Variants in PRSS38 observed in about 807,000 individuals in gnomAD.
The protein encoded by PRSS38 is marapsin 2.
In PRSS38, 22 loss-of-function variants were observed where a neutral mutation model predicts 26.8. That is an observed-to-expected ratio of 0.82 (90% CI 0.59 to 1.17). PRSS38 has a LOEUF of 1.17. Among genes scored for constraint, PRSS38 ranks in the 50% most tolerant of loss-of-function variants. The probability of loss-of-function intolerance (pLI) is 0.00; values close to 1 mark genes in which losing one functional copy is unlikely to be tolerated. For synonymous variants in PRSS38, 175 were observed against 172.1 expected (o/e 1.02, Z -0.13); for missense variants, 427 against 422.7 (o/e 1.01, Z -0.09).
rs1297082737 is a variant in PRSS38 at position 227,825,163 on chromosome 1, G to T, written c.583+7683G>T. On this transcript the variant is annotated intron_variant, in intron 3 of 4. Transcript: ENST00000366757. ...TTTGCCTGTGCCTATGTCCTGAATG[G>T]TATTGCCTAGATTTTCTTCTAGGTT... 2.6e-5 allele frequency among the ~76,000 whole-genome samples: 4 copies of T among 152,086 alleles called. 1 individual carries two copies. The highest frequency in any genetic ancestry group is 5.9e-5 in the Non-Finnish European group (4 of 68,028).
chr1:227,846,443 A>G (rs1665432362), exon 5 of PRSS38: 3 of 577,056 alleles, frequency 5.2e-6, no homozygotes, highest in Non-Finnish European at 6.1e-6. Flanking sequence ...CTGAGATTTG[A>G]TAAGATCATT....
At chr1:227,841,484 A>C (rs1328144003) in intron 3 of PRSS38, among the ~76,000 whole-genome samples, 3 of 152,198 alleles carry the variant, frequency 2.0e-5, no homozygotes, top group Non-Finnish European at 4.4e-5. Context: ...AGTGCAGTTC[A>C]TTTCCCCTGA....
chr1:227,835,349 T>C (rs1253261783), intron 3 of PRSS38, among the ~76,000 whole-genome samples: 2 of 152,156 alleles, frequency 1.3e-5, no homozygotes, highest in African/African-American at 4.8e-5. Flanking sequence ...GGAGGATTGC[T>C]TGAGCCCAGG....
chr1:227,840,724 G>C (rs114954132), intron 3 of PRSS38, among the ~76,000 whole-genome samples: 6 of 152,006 alleles, frequency 3.9e-5, no homozygotes, highest in Non-Finnish European at 8.8e-5. Flanking sequence ...CTTCTCTTTC[G>C]AGTTTCTCTC....
Position 227,816,238 on chromosome 1 carries a change from G to T in PRSS38, c.297G>T (p.Ala99=), listed in dbSNP as rs200682477. The T allele has an allele frequency of 1.2e-6, 2 of 1,612,088 alleles. No homozygotes were observed. Among genetic ancestry groups the T allele is most frequent in the African/African-American group, 2.7e-5 (2 of 74,878 alleles). ...ATGAGTACTGGGTGCTGTCAGCTGC[G>T]CACTGCTTTCACAGGTAAGCGGGCG... The change falls in exon 2 of 5, where the codon GCG becomes GCT. Residue 99 remains alanine, a synonymous_variant. Transcript: ENST00000366757. The surrounding 1 kb of genome is among the most constrained non-coding windows in gnomAD (Gnocchi z 5.1).
intron 3 of PRSS38, among the ~76,000 whole-genome samples, chr1:227,842,487 C>G (rs892935247): frequency 1.3e-5 from 2 of 152,128 alleles, no homozygotes; most frequent in Admixed American, 1.3e-4. Flanking sequence ...ATATGGACAC[C>G]AATCCAACAG....
chr1:227,836,090 T>C (rs942694757), intron 3 of PRSS38, among the ~76,000 whole-genome samples: 1 of 147,192 alleles, frequency 6.8e-6, no homozygotes, highest in Non-Finnish European at 1.5e-5. Context: ...AGATTTTGTT[T>C]GTTTGTTTTT....
intron 3 of PRSS38, among the ~76,000 whole-genome samples, chr1:227,834,659 A>C (rs1454033402): frequency 1.2e-5 from 1 of 84,394 alleles, no homozygotes; most frequent in Admixed American, 1.4e-4. Context: ...ACAGAGCAAG[A>C]CTCTGTTTCA....
In PRSS38 at chr1:227,817,176, G is replaced by A. The variant is rs572204164; in HGVS notation, c.312-33G>A. Reference sequence around the variant, plus strand: ...CTGTGGGCTGACCACACAGGAAGCTGCGGGCATTGTACCTCTGTTCTCACC... The same window carrying A: ...CTGTGGGCTGACCACACAGGAAGCTACGGGCATTGTACCTCTGTTCTCACC... On this transcript the variant is annotated intron_variant, in intron 2 of 4. Coordinates refer to ENST00000366757, the Ensembl canonical transcript of PRSS38. 17 of 1,595,774 alleles carry A rather than the reference G, an allele frequency of 1.1e-5. No homozygotes were observed. The East Asian group carries it at 3.4e-4, about 32-fold the overall frequency.
intron 3 of PRSS38, among the ~76,000 whole-genome samples, chr1:227,825,221 TCTGTCACCAGG>T (rs1369581768): frequency 6.6e-6 from 1 of 152,210 alleles, no homozygotes; most frequent in African/African-American, 2.4e-5. Flanking sequence ...AGAGTCTCAG[TCTGTCACCAGG>T]CTGGGCTGGA....
intron 3 of PRSS38, among the ~76,000 whole-genome samples, chr1:227,820,655 A>G (rs569113537): frequency 6.6e-6 from 1 of 152,248 alleles, no homozygotes; most frequent in African/African-American, 2.4e-5. Flanking sequence ...TTTTACATCT[A>G]TATTCTTAAA....
chr1:227,820,089 C>CAAAA lies in PRSS38; in HGVS notation c.583+2630_583+2633dup, dbSNP rs61564441. 7.9e-4 allele frequency among the ~76,000 whole-genome samples: 34 copies of CAAAA among 42,792 alleles called. 1 individual carries two copies. The highest frequency in any genetic ancestry group is 1.5e-3 in the East Asian group (2 of 1,342). 28.1% of individuals were successfully genotyped at this position (42,792 alleles called of 152,430 possible). A position where few individuals can be genotyped will look rare whatever the true frequency, so the allele number is the denominator to read the frequency against. The stretch of plus-strand genomic sequence containing the variant: ...GGGCAACAAGAGTGAAACTCCATCT[C>CAAAA]AAAAAAAAAAAAAAAAAAAAAAAAG... On this transcript the variant is annotated intron_variant, in intron 3 of 4. Transcript: ENST00000366757.
chr1:227,845,718 C>A, intron 4 of PRSS38, 106 bp downstream of exon 4: 2 of 1,383,150 alleles, frequency 1.4e-6, no homozygotes, highest in African/African-American at 2.8e-5. Context: ...GCCCTGCAGC[C>A]ATGCCCCAAG....
chr1:227,844,814 ACTC>A (rs1665394367), intron 3 of PRSS38, among the ~76,000 whole-genome samples: 1 of 102,564 alleles, frequency 9.8e-6, no homozygotes, highest in Non-Finnish European at 2.0e-5. Flanking sequence ...GTATGGTGGG[ACTC>A]CTCACCATGG....
chr1:227,821,529 G>T (rs1425257466), intron 3 of PRSS38, among the ~76,000 whole-genome samples: 1 of 152,082 alleles, frequency 6.6e-6, no homozygotes, highest in Non-Finnish European at 1.5e-5. Flanking sequence ...AGATCTAGTG[G>T]TGCAGACTTC....
intron 3 of PRSS38, among the ~76,000 whole-genome samples, chr1:227,819,829 G>A (rs570934788): frequency 3.3e-5 from 5 of 152,194 alleles, no homozygotes; most frequent in Admixed American, 6.5e-5. Flanking sequence ...AGTGGCTCAC[G>A]CCTGTAATCC....
At chr1:227,839,174 A>G (rs780350193) in intron 3 of PRSS38, among the ~76,000 whole-genome samples, 7 of 152,174 alleles carry the variant, frequency 4.6e-5, no homozygotes, top group Non-Finnish European at 1.0e-4. Flanking sequence ...AATGTATGCA[A>G]CTGAGCCAGG....
intron 3 of PRSS38, among the ~76,000 whole-genome samples, chr1:227,832,419 T>C (rs1665166264): frequency 6.6e-6 from 1 of 152,246 alleles, no homozygotes; most frequent in Non-Finnish European, 1.5e-5. Context: ...AAGTGCCTTT[T>C]GGTATGCCAT....
Position 227,816,227 on chromosome 1 carries a change from C to G in PRSS38, c.286C>G (p.Leu96Val), listed in dbSNP as rs1216138025. The stretch of plus-strand genomic sequence containing the variant: ...CTCCATCCTCAATGAGTACTGGGTG[C>G]TGTCAGCTGCGCACTGCTTTCACAG... The change falls in exon 2 of 5, where the codon CTG becomes GTG. Residue 96 changes from leucine (L) to valine (V), a missense_variant. By Grantham distance (32) the Leu-to-Val change is conservative (BLOSUM62 1). Coordinates refer to ENST00000366757, the Ensembl canonical transcript of PRSS38. The surrounding 1 kb of genome is among the most constrained non-coding windows in gnomAD (Gnocchi z 5.1). 4 of 1,613,116 alleles carry G rather than the reference C, an allele frequency of 2.5e-6. No individual in the cohort carries two copies. The highest frequency in any genetic ancestry group is 1.7e-5 in the Admixed American group (1 of 59,982).
Sources: gnomAD v4.1 joint callset for allele counts (sites outside exome capture counted in the v4.1 genomes callset) on GRCh38, gnomAD v4.1.1 for gene constraint, Gnocchi (gnomAD v3.1) non-coding constraint, MANE v1.5 for transcripts, NCBI Gene and HGNC (gene_info 2026-07-23, HGNC 2026-07-21) for gene names.